The following SOX5 variants were observed in gnomAD, a reference collection of about 807,000 sequenced individuals.
SOX5 encodes the protein SRY-box transcription factor 5, also known as transcription factor SOX-5.
Under a neutral mutation model 92.0 loss-of-function variants are expected in SOX5, and 9 were observed. That is an observed-to-expected ratio of 0.10 (90% CI 0.06 to 0.17). The LOEUF is 0.17. SOX5 is among the 10% of genes least tolerant of loss of function. The pLI, the probability that SOX5 is intolerant of heterozygous loss-of-function variation, is 1.00. For synonymous variants in SOX5, 344 were observed against 336.3 expected, an observed-to-expected ratio of 1.02 and a Z score of -0.25; for missense variants, 642 against 944.5, an observed-to-expected ratio of 0.68 and a Z score of 4.20.
In SOX5 at chr12:23,842,316, A is replaced by G. The variant is rs942882598; in HGVS notation, c.481+3667T>C. Reference sequence around the variant, plus strand: ...TTGGGGTGGAAATGTACAGATCAGTAAGAAATGAAGCTGCAATAATCCATG... The same window carrying G: ...TTGGGGTGGAAATGTACAGATCAGTGAGAAATGAAGCTGCAATAATCCATG... On this transcript the variant is annotated intron_variant, in intron 3 of 14. Transcript: ENST00000451604. Among the ~76,000 whole-genome samples, 4 of 152,286 alleles carry G rather than the reference A, an allele frequency of 2.6e-5. No homozygotes were observed. The South Asian group carries it at 8.3e-4, about 32-fold the overall frequency.
intron 2 of SOX5, among the ~76,000 whole-genome samples, chr12:23,869,524 A>T (rs2096850968): frequency 6.6e-6 from 1 of 152,084 alleles, no homozygotes; most frequent in African/African-American, 2.4e-5. Flanking sequence ...CTACTTCTGA[A>T]ATTGATCTCA....
At chr12:23,783,121 T>C (rs559946550) in intron 3 of SOX5, among the ~76,000 whole-genome samples, 207 of 152,300 alleles carry the variant, frequency 1.4e-3, no homozygotes, top group African/African-American at 4.7e-3. Context: ...TCAAGGCATA[T>C]ACTGTCTGAA....
chr12:24,424,468 A>G (rs1966400645), intron 1 of SOX5, among the ~76,000 whole-genome samples: 1 of 152,050 alleles, frequency 6.6e-6, no homozygotes, highest in African/African-American at 2.4e-5. Flanking sequence ...TATGGCATAT[A>G]CTAGTGTTTA....
intron 2 of SOX5, among the ~76,000 whole-genome samples, chr12:23,846,707 A>C (rs1048852505): frequency 7.2e-5 from 11 of 152,146 alleles, no homozygotes; most frequent in African/African-American, 2.4e-4. Context: ...TAATACTCTA[A>C]TAAAGTTTTA....
intron 4 of SOX5, among the ~76,000 whole-genome samples, chr12:24,043,789 T>C (rs1956744913): frequency 6.6e-6 from 1 of 152,218 alleles, no homozygotes; most frequent in Non-Finnish European, 1.5e-5. Flanking sequence ...GAATTTGGAC[T>C]ACTGCATTAT....
chr12:23,823,828 T>C (rs1017220076), intron 3 of SOX5, among the ~76,000 whole-genome samples: 1 of 152,220 alleles, frequency 6.6e-6, no homozygotes. Context: ...CATTCTTTTT[T>C]CTCTAATCTT....
chr12:23,938,166 A>G (rs1480182913), intron 1 of SOX5, among the ~76,000 whole-genome samples: 7 of 151,066 alleles, frequency 4.6e-5, no homozygotes, highest in Non-Finnish European at 7.4e-5. Flanking sequence ...TTAAATTGGT[A>G]TCAGCACTTT....
At chr12:24,524,018 T>C (rs1410039597) in intron 1 of SOX5, among the ~76,000 whole-genome samples, 1 of 152,218 alleles carries the variant, frequency 6.6e-6, no homozygotes, top group East Asian at 1.9e-4. Context: ...TCAACTTGAT[T>C]GGATTGAGGA....
chr12:23,805,169 G>A (rs915771632), intron 3 of SOX5, among the ~76,000 whole-genome samples: 1 of 151,244 alleles, frequency 6.6e-6, no homozygotes, highest in Non-Finnish European at 1.5e-5. Flanking sequence ...TTGAACTTGT[G>A]AGAAATAATA....
At chr12:24,471,007 C>A (rs1944765213) in intron 1 of SOX5, among the ~76,000 whole-genome samples, 1 of 152,158 alleles carries the variant, frequency 6.6e-6, no homozygotes, top group Non-Finnish European at 1.5e-5. Flanking sequence ...TTACCATTCA[C>A]AAATAAGATA....
intron 1 of SOX5, among the ~76,000 whole-genome samples, chr12:24,484,932 A>T (rs1946364326): frequency 6.6e-6 from 1 of 152,216 alleles, no homozygotes; most frequent in African/African-American, 2.4e-5. Flanking sequence ...TTAAAAACAC[A>T]TGGAAAATAA....
At chr12:24,375,920 T>C (rs1957219102) in intron 1 of SOX5, among the ~76,000 whole-genome samples, 1 of 152,158 alleles carries the variant, frequency 6.6e-6, no homozygotes, top group Non-Finnish European at 1.5e-5. Context: ...TCTTTCCACC[T>C]TCTCTAAGTA....
intron 1 of SOX5, among the ~76,000 whole-genome samples, chr12:24,472,492 G>C (rs982817160): frequency 2.0e-5 from 3 of 152,140 alleles, no homozygotes; most frequent in African/African-American, 7.2e-5. Flanking sequence ...ACTGTGGACT[G>C]GTTCTCTAAG....
At chr12:24,045,501 T>C (rs1488955735) in intron 4 of SOX5, among the ~76,000 whole-genome samples, 1 of 152,108 alleles carries the variant, frequency 6.6e-6, no homozygotes, top group East Asian at 1.9e-4. Context: ...GGTCTTACTA[T>C]GTTGCCCAGG....
At chr12:24,192,967 TAAAAC>T (rs142215447) in intron 4 of SOX5, among the ~76,000 whole-genome samples, 4,978 of 152,264 alleles carry the variant, frequency 0.033, 93 homozygotes, top group South Asian at 0.066. Flanking sequence ...AAAATTAAAC[TAAAAC>T]ATAGAGTAAA....
chr12:24,450,104 T>G (rs992747635), intron 1 of SOX5, among the ~76,000 whole-genome samples: 4 of 152,226 alleles, frequency 2.6e-5, no homozygotes, highest in Non-Finnish European at 5.9e-5. Flanking sequence ...AAATAGGAAT[T>G]TCCCAAAATT....
At chr12:23,598,461 C>A (rs988295109) in intron 9 of SOX5, among the ~76,000 whole-genome samples, 1 of 138,070 alleles carries the variant, frequency 7.2e-6, no homozygotes, top group Non-Finnish European at 1.5e-5. Context: ...TGCAGTGGCG[C>A]GATCTCGGCT....
Position 24,364,620 on chromosome 12 carries a change from A to T in SOX5, c.-174+3943T>A, listed in dbSNP as rs1466839494. On this transcript the variant is annotated intron_variant, in intron 2 of 4. Transcript: ENST00000446891. ...CCTCCAAACTCTATTGATGACTGAT[A>T]CTACTATGGAGAGAATCAATTCCCT... Among the ~76,000 whole-genome samples the T allele has an allele frequency of 2.0e-5, 3 of 150,192 alleles. No individual in the cohort carries two copies. The East Asian group carries it at 5.9e-4, about 30-fold the overall frequency.
chr12:24,382,027 T>C (rs1379620343), intron 1 of SOX5, among the ~76,000 whole-genome samples: 1 of 152,218 alleles, frequency 6.6e-6, no homozygotes, highest in Non-Finnish European at 1.5e-5. Flanking sequence ...CGAGGAACTA[T>C]CCTGGGCTCT....
Sources: allele counts gnomAD v4.1 joint callset (sites outside exome capture counted in the v4.1 genomes callset), GRCh38; gene constraint gnomAD v4.1.1; transcripts MANE v1.5; gene names NCBI Gene and HGNC (gene_info 2026-07-23, HGNC 2026-07-21).